The following IFT43 variants were observed in gnomAD, a reference collection of about 807,000 sequenced individuals.
The protein encoded by IFT43 is intraflagellar transport 43.
Under a neutral mutation model 32.3 loss-of-function variants are expected in IFT43, and 33 were observed. The observed-to-expected ratio is 1.02, with a 90% CI of 0.77 to 1.37. IFT43 has a LOEUF of 1.37. Ranked by LOEUF, IFT43 falls within the 40% of genes most tolerant of loss-of-function variation. IFT43 has a pLI of 0.00. For synonymous variants in IFT43, 93 were observed against 98.2 expected (o/e 0.95, Z 0.31); for missense variants, 274 against 265.9 (o/e 1.03, Z -0.21).
chr14:75,986,881 TATTC>T lies in IFT43; in HGVS notation c.54+1051_54+1054del, dbSNP rs766937968. Among the ~76,000 whole-genome samples the T allele has an allele frequency of 1.2e-4, 18 of 152,360 alleles. No individual in the cohort carries two copies. The East Asian group carries it at 3.3e-3, about 28-fold the overall frequency. On this transcript the variant is annotated intron_variant, in intron 1 of 8. Transcript: ENST00000314067. ...TAGTACCTGGGGATGTGAATGTAGT[TATTC>T]ATTCATTCAACAAATATTTATTGAG... is the stretch of plus-strand genomic sequence containing the variant.
intron 5 of IFT43, among the ~76,000 whole-genome samples, chr14:76,060,983 C>A (rs2037124131): frequency 6.6e-6 from 1 of 151,846 alleles, no homozygotes; most frequent in Admixed American, 6.6e-5. Flanking sequence ...CCCACTGCAA[C>A]CTCCACCTCC....
At chr14:76,005,620 T>C (rs955682906) in intron 2 of IFT43, among the ~76,000 whole-genome samples, 3 of 152,240 alleles carry the variant, frequency 2.0e-5, no homozygotes, top group Non-Finnish European at 2.9e-5. Flanking sequence ...CTCAGGATTT[T>C]CCCCTATTTC....
chr14:76,051,146 C>T (rs903168357), intron 3 of IFT43, among the ~76,000 whole-genome samples: 2 of 149,932 alleles, frequency 1.3e-5, no homozygotes, highest in African/African-American at 4.9e-5. Context: ...ACCTAAAACC[C>T]CAGAGTGCCA....
rs1225338600 is a variant in IFT43, at chr14:76,059,287, A to G, written c.249-40A>G. ...TGGGATGTTCCTTTCCGTGTTTGAA[A>G]CTCATTTTTTGCTGTCCTTTTCTTC... On this transcript the variant is annotated intron_variant, in intron 4 of 8. Coordinates refer to ENST00000314067, the MANE Select transcript of IFT43 (RefSeq NM_001102564.3). The G allele has an allele frequency of 2.5e-6, 4 of 1,613,610 alleles. No individual in the cohort carries two copies. In the South Asian group the frequency reaches 3.3e-5, roughly 13 times the overall value.
intron 5 of IFT43, 101 bp from the exon 6 acceptor site, chr14:76,082,194 C>G (rs2037522312): frequency 9.4e-7 from 1 of 1,060,602 alleles, no homozygotes; most frequent in African/African-American, 1.6e-5. Context: ...CAGCCCACAG[C>G]CCCATGGCTG....
chr14:76,021,465 G>C (rs953395759), intron 2 of IFT43, among the ~76,000 whole-genome samples: 4 of 152,144 alleles, frequency 2.6e-5, no homozygotes, highest in Admixed American at 1.3e-4. Context: ...ACACTAAATA[G>C]TATATGTTGA....
rs74878992 is a variant in IFT43, at chr14:75,992,008, C to T, written c.147+3031C>T. ...ATTACTTGATATATTTATTTTTGTC[C>T]TCTTGCTGACTGTATTCTAGGATGA... On this transcript the variant is annotated intron_variant, in intron 2 of 8. Transcript: ENST00000314067. Among the ~76,000 whole-genome samples the T allele has an allele frequency of 8.9e-3, 1,361 of 152,262 alleles. 19 individuals are homozygous for T. The highest frequency in any genetic ancestry group is 0.031 in the African/African-American group (1,289 of 41,558).
chr14:76,075,111 C>T (rs1318045800), intron 5 of IFT43, among the ~76,000 whole-genome samples: 1 of 152,258 alleles, frequency 6.6e-6, no homozygotes, highest in Non-Finnish European at 1.5e-5. Flanking sequence ...GGGACCTGCT[C>T]CTGCATGGCT....
intron 2 of IFT43, among the ~76,000 whole-genome samples, chr14:76,002,023 G>A (rs771949904): frequency 6.6e-6 from 1 of 152,168 alleles, no homozygotes; most frequent in Non-Finnish European, 1.5e-5. Context: ...CAAGATGGGC[G>A]GATCACCTGA....
intron 5 of IFT43, among the ~76,000 whole-genome samples, chr14:76,061,016 C>T (rs1207361284): frequency 2.0e-5 from 3 of 152,092 alleles, no homozygotes; most frequent in Non-Finnish European, 4.4e-5. Flanking sequence ...ATTCTCCTGC[C>T]TCAGCCTCCT....
At chr14:76,049,151 T>G (rs1157301957) in intron 3 of IFT43, among the ~76,000 whole-genome samples, 1 of 152,228 alleles carries the variant, frequency 6.6e-6, no homozygotes, top group Admixed American at 6.5e-5. Flanking sequence ...GTTTGTCCCT[T>G]GACTTGTGGC....
At chr14:76,026,096 CA>C (rs566700214) in intron 3 of IFT43, among the ~76,000 whole-genome samples, 147 of 151,556 alleles carry the variant, frequency 9.7e-4, no homozygotes, top group African/African-American at 3.5e-3. Flanking sequence ...CTTAAATTTA[CA>C]AGAAAAAAAA....
chr14:76,059,616 C>T (rs555130624), intron 5 of IFT43: 12 of 523,102 alleles, frequency 2.3e-5, no homozygotes, highest in African/African-American at 9.6e-5. Flanking sequence ...ATCACTTCCC[C>T]TGAAACATCT....
intron 3 of IFT43, among the ~76,000 whole-genome samples, chr14:76,034,013 T>A (rs1050373922): frequency 6.6e-6 from 1 of 152,164 alleles, no homozygotes; most frequent in Non-Finnish European, 1.5e-5. Context: ...GATCTGGTGT[T>A]GTGAGAGTGA....
chr14:75,992,372 C>G (rs1202174217), intron 2 of IFT43, among the ~76,000 whole-genome samples: 1 of 152,152 alleles, frequency 6.6e-6, no homozygotes, highest in Non-Finnish European at 1.5e-5. Context: ...AGCATTCATT[C>G]AATAAATTAG....
intron 5 of IFT43, among the ~76,000 whole-genome samples, chr14:76,074,059 A>ATATATAT (rs1434893858): frequency 6.6e-6 from 1 of 151,918 alleles, no homozygotes; most frequent in Non-Finnish European, 1.5e-5. Flanking sequence ...GCATTTTTTT[A>ATATATAT]ATAAATATAT....
rs2037546088 is a variant in IFT43 at position 76,083,223 on chromosome 14, A to G, written c.445-4A>G. 1.2e-6 allele frequency: 2 copies of G among 1,614,000 alleles called. No individual in the cohort carries two copies. The highest frequency in any genetic ancestry group is 1.3e-5 in the African/African-American group (1 of 74,902). On this transcript the variant is annotated splice_region_variant and splice_polypyrimidine_tract_variant and intron_variant, in intron 7 of 8. Transcript: ENST00000314067. ...GCCTGACCTTTTTTTGTTTGCATTC[A>G]CAGGATGGGGAGATCGACCTGAAAC...
downstream of IFT43, chr14:76,084,056 A>C (rs2037564541): frequency 2.2e-6 from 1 of 446,624 alleles, no homozygotes; most frequent in Non-Finnish European, 4.5e-6. Flanking sequence ...CGGAGGGAGG[A>C]GGCGGCGGGA....
intron 7 of IFT43, 114 bp downstream of exon 7, chr14:76,082,806 T>A (rs754588458): frequency 4.8e-6 from 4 of 828,144 alleles, no homozygotes; most frequent in Non-Finnish European, 8.5e-6. Flanking sequence ...CCCCTGAGGC[T>A]GCCTGCCTGG....
Sources: gnomAD v4.1 joint callset for allele counts (sites outside exome capture counted in the v4.1 genomes callset) on GRCh38, gnomAD v4.1.1 for gene constraint, MANE v1.5 for transcripts, NCBI Gene and HGNC (gene_info 2026-07-23, HGNC 2026-07-21) for gene names.